The following SLC39A9 variants were observed in gnomAD, a reference collection of about 807,000 sequenced individuals.
SLC39A9 encodes the protein zinc transporter ZIP9.
SLC39A9 carries 14 observed loss-of-function variants against 28.4 expected under a neutral mutation model. The ratio of observed to expected loss-of-function variants is 0.49; its 90% CI spans 0.33 to 0.77. The LOEUF (loss-of-function observed/expected upper bound fraction) is 0.77, where lower values mean the gene tolerates loss of function less well. SLC39A9 is among the 30% of genes least tolerant of loss of function. The pLI is 0.02. For synonymous variants in SLC39A9, 119 were observed against 149.6 expected (o/e 0.80, Z 1.49); for missense variants, 283 against 381.1 (o/e 0.74, Z 2.14).
Position 69,459,562 on chromosome 14 carries a change from T to G in SLC39A9, c.*969T>G, listed in dbSNP as rs1002676962. 2.0e-4 allele frequency: 194 copies of G among 980,310 alleles called. No individual in the cohort carries two copies. The highest frequency in any genetic ancestry group is 5.3e-4 in the Middle Eastern group (1 of 1,902). The allele number at this position is 980,310 out of a possible 1,614,324, so 60.7% of individuals were successfully genotyped here. A position where few individuals can be genotyped will look rare whatever the true frequency, so the allele number is the denominator to read the frequency against. ...ATGGTTGTCCTTTTTTTTTGTTTTT[T>G]TTTTTTTTAATTATTTCTCTTAGCA... On this transcript the variant is annotated 3_prime_UTR_variant, in exon 7 of 7. Coordinates refer to ENST00000336643, the MANE Select transcript of SLC39A9 (RefSeq NM_018375.5).
intron 3 of SLC39A9, among the ~76,000 whole-genome samples, chr14:69,444,332 C>T (rs906987929): frequency 6.6e-6 from 1 of 151,990 alleles, no homozygotes; most frequent in Admixed American, 6.6e-5. Context: ...AATCTTTGGT[C>T]GACAGAAAAA....
Position 69,461,087 on chromosome 14 carries a change from C to T in SLC39A9, c.*2494C>T, listed in dbSNP as rs1886092393. Reference sequence around the variant, plus strand: ...AGATGTGGATGCCTTAATGCTGTAACACATTTGAAAACATTGGCAATACTT... The same window carrying T: ...AGATGTGGATGCCTTAATGCTGTAATACATTTGAAAACATTGGCAATACTT... On this transcript the variant is annotated 3_prime_UTR_variant, in exon 7 of 7. Transcript: ENST00000336643. 1 of 986,398 alleles carries T rather than the reference C, an allele frequency of 1.0e-6. No homozygotes were observed. The highest frequency in any genetic ancestry group is 1.2e-6 in the Non-Finnish European group (1 of 830,648). 61.1% of individuals were successfully genotyped at this position (986,398 alleles called of 1,614,324 possible).
intron 1 of SLC39A9, among the ~76,000 whole-genome samples, chr14:69,414,228 A>G (rs1045979126): frequency 6.6e-6 from 1 of 152,120 alleles, no homozygotes; most frequent in African/African-American, 2.4e-5. Flanking sequence ...TTGTATTTTT[A>G]GTAGAGACAG....
At position 69,407,407 on chromosome 14, in the gene SLC39A9, G is replaced by C. The variant is rs1298754618; in HGVS notation, c.96+7942G>C. On this transcript the variant is annotated intron_variant, in intron 1 of 6. Transcript: ENST00000336643. ...GGCTGGACTGCAATGGCATGATCTT[G>C]ACTCACCATAACCTCCGCCTCCCAG... 1.2e-3 allele frequency among the ~76,000 whole-genome samples: 174 copies of C among 149,070 alleles called. 4 individuals carry two copies. The highest frequency in any genetic ancestry group is 2.4e-4 in the Non-Finnish European group (16 of 67,460).
chr14:69,439,221 T>C (rs372985599), intron 2 of SLC39A9, among the ~76,000 whole-genome samples: 2 of 152,142 alleles, frequency 1.3e-5, no homozygotes, highest in African/African-American at 2.4e-5. Flanking sequence ...TTAGGAGATA[T>C]ACCTAATGTA....
chr14:69,422,101 G>A (rs920288056), intron 1 of SLC39A9, among the ~76,000 whole-genome samples: 1 of 152,224 alleles, frequency 6.6e-6, no homozygotes, highest in African/African-American at 2.4e-5. Context: ...CACACTGGGA[G>A]CTGCAGACCG....
chr14:69,398,563 T>G, upstream of SLC39A9: 1 of 444,340 alleles, frequency 2.3e-6, no homozygotes, highest in Non-Finnish European at 4.1e-6. Flanking sequence ...GACAGTGACA[T>G]CAGACATCTT....
Position 69,458,577 on chromosome 14 carries a change from T to C in SLC39A9, c.908T>C (p.Val303Ala). Residue 303 changes from valine to alanine, a missense_variant, in exon 7 of 7, where the codon GTA becomes GCA. By Grantham distance (64) the Val-to-Ala change is moderately conservative (BLOSUM62 0). Coordinates refer to ENST00000336643, the MANE Select transcript of SLC39A9 (RefSeq NM_018375.5). ...TGCCTCATCCCTCTCATCCTGTCAG[T>C]AGGACACCAGCATTAAATGTTCAAG... is the stretch of plus-strand genomic sequence containing the variant. ...LGCLIPLILS[V>A]GHQH 1 of 1,612,534 alleles carries C rather than the reference T, an allele frequency of 6.2e-7. No individual in the cohort carries two copies. Among genetic ancestry groups the C allele is most frequent in the Non-Finnish European group, 8.5e-7 (1 of 1,178,890 alleles).
At chr14:69,404,187 G>A (rs1021946959) in intron 1 of SLC39A9, among the ~76,000 whole-genome samples, 1 of 152,194 alleles carries the variant, frequency 6.6e-6, no homozygotes, top group African/African-American at 2.4e-5. Context: ...GAGTGTGCCT[G>A]TGAATAGCCA....
rs1885985715 is a variant in SLC39A9, at chr14:69,458,759, C to G, written c.*166C>G. ...GGTTAAAACCTGAGTAATGGAAAAG[C>G]TTTTAGAGTAGAAACACATTTACGT... On this transcript the variant is annotated 3_prime_UTR_variant, in exon 7 of 7. Transcript: ENST00000336643. The G allele has an allele frequency of 2.2e-6, 3 of 1,374,036 alleles. No homozygotes were observed. Among genetic ancestry groups the G allele is most frequent in the Non-Finnish European group, 2.8e-6 (3 of 1,065,054 alleles). The allele number at this position is 1,374,036 out of a possible 1,614,324, so 85.1% of individuals were successfully genotyped here.
Position 69,458,944 on chromosome 14 carries a change from T to C in SLC39A9, c.*351T>C, listed in dbSNP as rs1883445201. On this transcript the variant is annotated 3_prime_UTR_variant, in exon 7 of 7. Transcript: ENST00000336643. ...CACAATGAAATAGTGATTATGAAAA[T>C]ACAGTGTTCTGTAATTAAGCTATGT... 1 of 1,022,312 alleles carries C rather than the reference T, an allele frequency of 9.8e-7. No individual in the cohort carries two copies. The highest frequency in any genetic ancestry group is 1.2e-6 in the Non-Finnish European group (1 of 852,412). The allele number at this position is 1,022,312 out of a possible 1,614,324, so 63.3% of individuals were successfully genotyped here.
chr14:69,418,247 G>C (rs928634218), intron 1 of SLC39A9, among the ~76,000 whole-genome samples: 1 of 152,002 alleles, frequency 6.6e-6, no homozygotes, highest in African/African-American at 2.4e-5. Flanking sequence ...CTTTGGTTCT[G>C]TTTATGTGAT....
At chr14:69,451,810 G>A (rs538497027) in intron 3 of SLC39A9, among the ~76,000 whole-genome samples, 1 of 152,222 alleles carries the variant, frequency 6.6e-6, no homozygotes, top group East Asian at 1.9e-4. Context: ...TAAACTCCTA[G>A]GCACAAGTGA....
At chr14:69,456,353 C>T (rs1473820747) in intron 6 of SLC39A9, among the ~76,000 whole-genome samples, 1 of 152,156 alleles carries the variant, frequency 6.6e-6, no homozygotes, top group Non-Finnish European at 1.5e-5. Flanking sequence ...ACATACTGCT[C>T]ACTGAAAGAA....
At position 69,436,961 on chromosome 14, in the gene SLC39A9, G is replaced by A. The variant is rs575734673; in HGVS notation, c.206-5108G>A. 3.7e-3 allele frequency among the ~76,000 whole-genome samples: 557 copies of A among 152,158 alleles called. 3 individuals carry two copies. Among genetic ancestry groups the A allele is most frequent in the African/African-American group, 0.012 (499 of 41,518 alleles). On this transcript the variant is annotated intron_variant, in intron 2 of 6. Transcript: ENST00000336643. ...GGATCCCTTGCTAGCTCCGCCTCCC[G>A]GGTTCATGCCATTCTCCTGCCTCAG...
intron 1 of SLC39A9, among the ~76,000 whole-genome samples, chr14:69,412,656 A>G (rs1322651718): frequency 1.3e-5 from 2 of 152,084 alleles, no homozygotes; most frequent in African/African-American, 2.4e-5. Context: ...CATTCTTTCA[A>G]TAAATATTTA....
At chr14:69,399,521 T>C in intron 1 of SLC39A9, 56 bp downstream of exon 1, 2 of 1,437,054 alleles carry the variant, frequency 1.4e-6, no homozygotes, top group Non-Finnish European at 2.0e-6. Context: ...ATAGTAGTTT[T>C]AGTTGCAAAG....
chr14:69,456,700 G>A (rs1156583105), intron 6 of SLC39A9, among the ~76,000 whole-genome samples: 1 of 152,188 alleles, frequency 6.6e-6, no homozygotes, highest in Non-Finnish European at 1.5e-5. Flanking sequence ...AATCTTAGAA[G>A]CAAACTGACT....
chr14:69,446,941 T>G (rs200740765), intron 3 of SLC39A9, among the ~76,000 whole-genome samples: 1,478 of 132,932 alleles, frequency 0.011, 16 homozygotes, highest in South Asian at 0.046. Flanking sequence ...TATATATATA[T>G]ATATATAGAG....
Sources: allele counts gnomAD v4.1 joint callset (sites outside exome capture counted in the v4.1 genomes callset), GRCh38; gene constraint gnomAD v4.1.1; transcripts MANE v1.5; gene names NCBI Gene and HGNC (gene_info 2026-07-23, HGNC 2026-07-21).